WFDC10B: variants seen among roughly 807,000 people sequenced by gnomAD.
The protein encoded by WFDC10B is WAP four-disulfide core domain 10B.
Under a neutral mutation model 2.7 loss-of-function variants are expected in WFDC10B, and 1 was observed. The observed-to-expected ratio is 0.38, with a 90% confidence interval of 0.13 to 1.79. WFDC10B has a LOEUF of 1.79. WFDC10B is among the 40% of genes most tolerant of loss of function. The pLI, the probability that WFDC10B is intolerant of heterozygous loss-of-function variation, is 0.33. For synonymous variants in WFDC10B, 26 were observed against 32.2 expected (o/e 0.81, Z 0.65); for missense variants, 71 against 87.8 (o/e 0.81, Z 0.76).
Position 45,684,886 on chromosome 20 carries a change from T to C in WFDC10B, c.166A>G (p.Thr56Ala), listed in dbSNP as rs1436193322. The C allele has an allele frequency of 1.9e-6, 3 of 1,613,966 alleles. No homozygotes were observed. The highest frequency in any genetic ancestry group is 2.5e-6 in the Non-Finnish European group (3 of 1,179,982). ...HHCSYFQKCE[T>A]NKICCSAFCG... ...AAGGCTGAACAGCATATCTTATTTG[T>C]TTCACACTTTTGGAAATATGAACAG... The change falls in exon 4 of 4, where the codon ACA (threonine) becomes GCA (alanine). Residue 56 changes from threonine (T) to alanine (A), a missense_variant. Thr to Ala is a moderately conservative substitution (Grantham distance 58, BLOSUM62 0). Coordinates refer to ENST00000330523, the MANE Select transcript of WFDC10B (RefSeq NM_172006.2).
intron 2 of WFDC10B, among the ~76,000 whole-genome samples, chr20:45,692,389 C>G (rs1450067034): frequency 6.6e-6 from 1 of 152,056 alleles, no homozygotes. Flanking sequence ...GCCTGCCTTG[C>G]TAGATTGGGG....
intron 2 of WFDC10B, 92 bp downstream of exon 2, chr20:45,704,405 T>C (rs1425606240): frequency 6.3e-7 from 1 of 1,589,804 alleles, no homozygotes; most frequent in Non-Finnish European, 8.6e-7. Context: ...TACTCCAGCC[T>C]GTTGGTGAGG....
At chr20:45,702,834 C>T (rs1231558383) in intron 2 of WFDC10B, among the ~76,000 whole-genome samples, 1 of 152,202 alleles carries the variant, frequency 6.6e-6, no homozygotes, top group Non-Finnish European at 1.5e-5. Context: ...TGACCTTAAC[C>T]AATACCAAGT....
intron 2 of WFDC10B, among the ~76,000 whole-genome samples, chr20:45,693,676 T>C (rs995705118): frequency 6.6e-6 from 1 of 152,134 alleles, no homozygotes; most frequent in African/African-American, 2.4e-5. Flanking sequence ...TTTAAGCCTG[T>C]CGGAAAAGCA....
At chr20:45,690,730 T>C (rs1600955932) in intron 2 of WFDC10B, among the ~76,000 whole-genome samples, 1 of 149,282 alleles carries the variant, frequency 6.7e-6, no homozygotes. Flanking sequence ...TCTTCTCTCT[T>C]TTTTTATTAG....
intron 2 of WFDC10B, among the ~76,000 whole-genome samples, chr20:45,702,408 T>C (rs1600966627): frequency 1.3e-5 from 2 of 152,128 alleles, no homozygotes; most frequent in African/African-American, 4.8e-5. Flanking sequence ...GGGCCTCAGG[T>C]TTTTATCCTT....
chr20:45,694,273 G>A (rs1445953894), intron 2 of WFDC10B, among the ~76,000 whole-genome samples: 3 of 152,136 alleles, frequency 2.0e-5, no homozygotes, highest in African/African-American at 7.2e-5. Context: ...GAGTTTTACA[G>A]TTAAGCCTTT....
At chr20:45,691,890 TG>T (rs1440762211) in intron 2 of WFDC10B, among the ~76,000 whole-genome samples, 1 of 152,192 alleles carries the variant, frequency 6.6e-6, no homozygotes, top group Non-Finnish European at 1.5e-5. Flanking sequence ...TGATGTTAGC[TG>T]GTTATTTTGC....
intron 2 of WFDC10B, among the ~76,000 whole-genome samples, chr20:45,691,180 A>T (rs1279668803): frequency 1.3e-5 from 2 of 152,148 alleles, no homozygotes; most frequent in Non-Finnish European, 2.9e-5. Flanking sequence ...TTCTAGTTTG[A>T]TTGCACTGTG....
chr20:45,686,179 C>T, intron 2 of WFDC10B, 123 bp from the exon 3 acceptor site: 3 of 1,202,726 alleles, frequency 2.5e-6, no homozygotes, highest in Non-Finnish European at 3.4e-6. Context: ...CCCTGTCCTT[C>T]TCCATGTAGG....
intron 2 of WFDC10B, among the ~76,000 whole-genome samples, chr20:45,696,215 G>A (rs536792173): frequency 1.4e-4 from 21 of 151,100 alleles, no homozygotes; most frequent in African/African-American, 4.6e-4. Flanking sequence ...GAACCCAGGA[G>A]GCAGAGGTTG....
intron 2 of WFDC10B, among the ~76,000 whole-genome samples, chr20:45,689,758 T>C (rs1289679209): frequency 1.3e-5 from 2 of 152,216 alleles, no homozygotes; most frequent in Non-Finnish European, 2.9e-5. Context: ...CAATGGGGTT[T>C]TCTAGATATG....
intron 2 of WFDC10B, among the ~76,000 whole-genome samples, chr20:45,694,242 TTCTAGAGTTTTTATAG>T (rs1345640222): frequency 1.1e-4 from 17 of 152,232 alleles, no homozygotes; most frequent in Admixed American, 1.0e-3. Flanking sequence ...CCAGATTTTC[TTCTAGAGTTTTTATAG>T]TCTGGAGTTT....
chr20:45,696,704 A>T (rs1272533661), intron 2 of WFDC10B, among the ~76,000 whole-genome samples: 1 of 152,190 alleles, frequency 6.6e-6, no homozygotes, highest in Non-Finnish European at 1.5e-5. Flanking sequence ...TGACTTGAGA[A>T]GGAATAGAAA....
chr20:45,693,879 G>A (rs551972163), intron 2 of WFDC10B, among the ~76,000 whole-genome samples: 18 of 152,290 alleles, frequency 1.2e-4, no homozygotes, highest in African/African-American at 3.6e-4. Context: ...AGATGAACCC[G>A]GTACCTCAGA....
chr20:45,698,238 G>T (rs376291314), intron 2 of WFDC10B, among the ~76,000 whole-genome samples: 1 of 152,140 alleles, frequency 6.6e-6, no homozygotes, highest in East Asian at 1.9e-4. Context: ...CGAAGCCAAG[G>T]CTTTGGATAG....
Position 45,684,832 on chromosome 20 carries a change from A to G in WFDC10B, c.220T>C (p.Ter74ArgextTer?), listed in dbSNP as rs768197784. Residue 74 changes from the stop codon to arginine (R), a stop_lost, in exon 4 of 4, where the codon TGA (stop) becomes CGA (arginine). Coordinates refer to ENST00000330523, the MANE Select transcript of WFDC10B (RefSeq NM_172006.2). The part of the protein sequence containing the change: ...FCGNICMSIL[*>R] ...CACATCCCAGCCCACTCTCCCACTC[A>G]TAGGATGCTCATACAAATGTTCCCA... The G allele has an allele frequency of 5.0e-6, 8 of 1,613,806 alleles. No individual in the cohort carries two copies. The East Asian group carries it at 1.1e-4, about 22-fold the overall frequency.
chr20:45,692,241 C>T (rs1438205862), intron 2 of WFDC10B, among the ~76,000 whole-genome samples: 15 of 152,108 alleles, frequency 9.9e-5, no homozygotes, highest in African/African-American at 3.1e-4. Context: ...GTGGGTAACC[C>T]GACCTTTCTC....
chr20:45,687,302 C>T (rs574525300), intron 2 of WFDC10B, among the ~76,000 whole-genome samples: 9 of 152,254 alleles, frequency 5.9e-5, no homozygotes, highest in African/African-American at 2.2e-4. Context: ...CTGAGGATAA[C>T]GGCTTGTAGT....
Sources: allele counts gnomAD v4.1 joint callset (sites outside exome capture counted in the v4.1 genomes callset), GRCh38; gene constraint gnomAD v4.1.1; transcripts MANE v1.5; gene names NCBI Gene and HGNC (gene_info 2026-07-23, HGNC 2026-07-21).